Variants in PLD2 observed in about 807,000 individuals in gnomAD.
PLD2 encodes the protein choline phosphatase 2.
PLD2 carries 101 observed loss-of-function variants against 119.8 expected under a neutral mutation model. That is an observed-to-expected ratio of 0.84 (90% CI 0.72 to 0.99). PLD2 has a LOEUF of 0.99. Ranked by LOEUF, PLD2 falls within the 50% of genes least tolerant of loss-of-function variation. The pLI, the probability that PLD2 is intolerant of heterozygous loss-of-function variation, is 0.00. For synonymous variants in PLD2, 494 were observed against 482.8 expected, an observed-to-expected ratio of 1.02 and a Z score of -0.30; for missense variants, 1,164 against 1,226.8, an observed-to-expected ratio of 0.95 and a Z score of 0.76.
In PLD2 at chr17:4,807,539, CGGGGCGG is replaced by C. The variant is rs3081358; in HGVS notation, c.-1-217_-1-211del. The C allele has an allele frequency of 1.5e-4, 57 of 370,924 alleles. No homozygotes were observed. The highest frequency in any genetic ancestry group is 7.9e-4 in the Middle Eastern group (1 of 1,260). 23.0% of individuals were successfully genotyped at this position (370,924 alleles called of 1,614,324 possible). On this transcript the variant is annotated intron_variant, in intron 1 of 24. Coordinates refer to ENST00000263088, the MANE Select transcript of PLD2 (RefSeq NM_002663.5). This position sits in a 1 kb window ranked among gnomAD's most constrained non-coding sequence, Gnocchi z 5.4. ...GTTCCCCGGGGCTCTGGTTACGGGA[CGGGGCGG>C]GGGGCGGGGGGCGGGACTGGGATTG...
At position 4,819,774 on chromosome 17, in the gene PLD2, G is replaced by C. The variant is rs556461365; in HGVS notation, c.2462+192G>C. On this transcript the variant is annotated intron_variant, in intron 23 of 24. Coordinates refer to ENST00000263088, the MANE Select transcript of PLD2 (RefSeq NM_002663.5). This position sits in a 1 kb window ranked among gnomAD's most constrained non-coding sequence, Gnocchi z 4.2. ...GCACTTTGGGAGGCCAAGGCGGGTGGATTGCCTGAGGTCAGGATTTTGAGA... is the reference window on the plus strand; with the variant it reads ...GCACTTTGGGAGGCCAAGGCGGGTGCATTGCCTGAGGTCAGGATTTTGAGA... Among the ~76,000 whole-genome samples, 6 of 151,888 alleles carry C rather than the reference G, an allele frequency of 4.0e-5. No homozygotes were observed. Among genetic ancestry groups the C allele is most frequent in the African/African-American group, 1.4e-4 (6 of 41,488 alleles).
At position 4,818,053 on chromosome 17, in the gene PLD2, C is replaced by G. The variant is rs780695338; in HGVS notation, c.1867C>G (p.Leu623Val). The G allele has an allele frequency of 6.2e-7, 1 of 1,614,140 alleles. No homozygotes were observed. The highest frequency in any genetic ancestry group is 8.5e-7 in the Non-Finnish European group (1 of 1,179,946). Residue 623 changes from leucine to valine, a missense_variant, in exon 18 of 25, where the codon CTC becomes GTC. By Grantham distance (32) the Leu-to-Val change is conservative. Coordinates refer to ENST00000263088, the MANE Select transcript of PLD2 (RefSeq NM_002663.5). ...WSAGTLENSI[L>V]NAYLHTIRES... is the part of the protein sequence containing the mutation. ...AGCAGGGACTCTGGAGAACTCCATC[C>G]TCAATGCCTACCTGCACACCATCAG...
At position 4,814,492 on chromosome 17, in the gene PLD2, C is replaced by T. The variant is rs746646338; in HGVS notation, c.1085C>T (p.Thr362Ile). The T allele has an allele frequency of 6.2e-7, 1 of 1,613,352 alleles. No homozygotes were observed. Among genetic ancestry groups the T allele is most frequent in the Non-Finnish European group, 8.5e-7 (1 of 1,179,762 alleles). Residue 362 changes from threonine to isoleucine, a missense_variant, in exon 11 of 25, where the codon ACA becomes ATA. Transcript: ENST00000263088. The stretch of plus-strand genomic sequence containing the variant: ...CGAGCTCAAGAGGAGATTTTCATCA[C>T]AGACTGGTGGTGAGTGGGAAAAGGC... ...ILRAQEEIFITDWWLSPEVYL... is the reference protein window; with the variant it reads ...ILRAQEEIFIIDWWLSPEVYL...
At chr17:4,809,606 C>A in intron 7 of PLD2, 55 bp downstream of exon 7, 1 of 1,608,792 alleles carries the variant, frequency 6.2e-7, no homozygotes, top group Non-Finnish European at 8.5e-7. Context: ...CTTAATTTCT[C>A]CCTGCCTGAG....
Position 4,816,722 on chromosome 17 carries a change from G to A in PLD2, c.1558G>A (p.Val520Met). The A allele has an allele frequency of 2.5e-6, 4 of 1,614,184 alleles. No individual in the cohort carries two copies. Among genetic ancestry groups the A allele is most frequent in the Non-Finnish European group, 3.4e-6 (4 of 1,180,040 alleles). ...CAGCAATCTTATCACCAAGGACTGG[G>A]TGCAGCTGGACCGGCCTTTCGAAGG... is the stretch of plus-strand genomic sequence containing the variant. Reference protein sequence around the residue: ...DYSNLITKDWVQLDRPFEDFI... With the variant: ...DYSNLITKDWMQLDRPFEDFI... Residue 520 changes from valine (V) to methionine (M), a missense_variant, in exon 15 of 25, where the codon GTG becomes ATG. Physicochemically the swap from Val to Met is conservative, Grantham distance 21. Coordinates refer to ENST00000263088, the MANE Select transcript of PLD2 (RefSeq NM_002663.5).
chr17:4,808,997 T>G lies in PLD2; in HGVS notation c.384-103T>G. 1.1e-6 allele frequency: 1 copy of G among 905,856 alleles called. No homozygotes were observed. The highest frequency in any genetic ancestry group is 1.4e-5 in the South Asian group (1 of 69,368). 56.1% of individuals were successfully genotyped at this position (905,856 alleles called of 1,614,324 possible). A position where few individuals can be genotyped will look rare whatever the true frequency, so the allele number is the denominator to read the frequency against. ...GCGTGAGCCACCACGCCTGGCCACC[T>G]CCAGGCCTCTTCTTTTCCTCCGAGC... On this transcript the variant is annotated intron_variant, in intron 4 of 24. Coordinates refer to ENST00000263088, the MANE Select transcript of PLD2 (RefSeq NM_002663.5). The surrounding 1 kb of genome is among the most constrained non-coding windows in gnomAD (Gnocchi z 4.1).
At chr17:4,820,770 G>T (rs1452442543) in intron 23 of PLD2, among the ~76,000 whole-genome samples, 1 of 146,264 alleles carries the variant, frequency 6.8e-6, no homozygotes, top group Non-Finnish European at 1.5e-5. Context: ...TAGAGACGGG[G>T]TTTCACCGTG....
intron 17 of PLD2, 121 bp downstream of exon 17, chr17:4,817,380 C>A: frequency 1.3e-6 from 1 of 749,214 alleles, no homozygotes; most frequent in Non-Finnish European, 2.4e-6. Flanking sequence ...AAGCACATCA[C>A]GGCCAGGCAC....
chr17:4,810,622 G>A (rs950318080), intron 9 of PLD2, among the ~76,000 whole-genome samples, 180 bp from the exon 10 acceptor site: 3 of 152,088 alleles, frequency 2.0e-5, no homozygotes, highest in Non-Finnish European at 2.9e-5. Flanking sequence ...TCCAGCCTGG[G>A]GGACAAGAGC....
rs772073424 is a variant in PLD2, at chr17:4,807,958, C to A, written c.110-26C>A. 1 of 1,605,936 alleles carries A rather than the reference C, an allele frequency of 6.2e-7. No individual in the cohort carries two copies. The highest frequency in any genetic ancestry group is 1.1e-5 in the South Asian group (1 of 90,742). ...GGGGGCTGGGGCCTGTTGTGGTCTA[C>A]ACTCCTCGACTTTCTTTCCTCCCAG... On this transcript the variant is annotated intron_variant, in intron 2 of 24. Transcript: ENST00000263088. This position sits in a 1 kb window ranked among gnomAD's most constrained non-coding sequence, Gnocchi z 5.4.
Position 4,822,858 on chromosome 17 carries a change from G to C in PLD2, c.2796G>C (p.Trp932Cys), listed in dbSNP as rs1298988820. The C allele has an allele frequency of 6.3e-7, 1 of 1,586,252 alleles. No individual in the cohort carries two copies. Residue 932 changes from tryptophan to cysteine, a missense_variant, in exon 25 of 25, where the codon TGG (tryptophan) becomes TGC (cysteine). Coordinates refer to ENST00000263088, the MANE Select transcript of PLD2 (RefSeq NM_002663.5). ...AGGGCATGATCCCCCTAGAAGTGTG[G>C]ACATAGTTGAGGCCCCCGTCAGGGA... ...SKEGMIPLEV[W>C]T
At chr17:4,814,340 G>A (rs73973638) in intron 10 of PLD2, 78 bp from the exon 11 acceptor site, 114,580 of 1,541,918 alleles carry the variant, frequency 0.074, 5,211 homozygotes, top group African/African-American at 0.21. Context: ...TCTGACCCAC[G>A]ACTGTCCTCC....
intron 24 of PLD2, 129 bp from the exon 25 acceptor site, chr17:4,822,511 A>T (rs1450792637): frequency 1.3e-5 from 8 of 593,136 alleles, no homozygotes; most frequent in African/African-American, 1.9e-5. Context: ...AAAGAGAGAG[A>T]GAGTTAGTGG....
rs781172770 is a variant in PLD2 at position 4,818,777 on chromosome 17, C to T, written c.2127C>T (p.Thr709=). 5.4e-5 allele frequency: 87 copies of T among 1,614,008 alleles called. No individual in the cohort carries two copies. Among genetic ancestry groups the T allele is most frequent in the Non-Finnish European group, 7.2e-5 (85 of 1,180,026 alleles). The change falls in exon 21 of 25, where the codon ACC becomes ACT. Residue 709 remains threonine, a synonymous_variant. Coordinates refer to ENST00000263088, the MANE Select transcript of PLD2 (RefSeq NM_002663.5). ...IQAILHFTYR[T]LCRGEYSILH... is the part of the protein sequence containing the mutation. ...CTCCCTCTTTCTTTTCTCTCAGGAC[C>T]CTGTGTCGTGGGGAGTATTCAATCC...
Position 4,818,461 on chromosome 17 carries a change from C to T in PLD2, c.2010-33C>T, listed in dbSNP as rs747573206. The T allele has an allele frequency of 7.5e-6, 12 of 1,597,840 alleles. No individual in the cohort carries two copies. In the East Asian group the frequency reaches 2.5e-4, roughly 33 times the overall value. On this transcript the variant is annotated intron_variant, in intron 19 of 24. Transcript: ENST00000263088. ...GTTGAAGGGGGTGGGGTTTGAGGGACCAGTCGCACCTCTGACTCCACCCCC... is the reference window on the plus strand; with the variant it reads ...GTTGAAGGGGGTGGGGTTTGAGGGATCAGTCGCACCTCTGACTCCACCCCC...
At chr17:4,817,883 A>C in intron 17 of PLD2, 119 bp from the exon 18 acceptor site, 1 of 652,984 alleles carries the variant, frequency 1.5e-6, no homozygotes, top group Non-Finnish European at 2.7e-6. Context: ...GCGTGAACCC[A>C]GGAGGAGGAG....
intron 23 of PLD2, among the ~76,000 whole-genome samples, chr17:4,820,677 T>C (rs563920439): frequency 9.3e-5 from 13 of 139,350 alleles, no homozygotes; most frequent in African/African-American, 2.4e-4. Context: ...CCAGGGTTCA[T>C]GCCATTCTCC....
intron 14 of PLD2, 77 bp downstream of exon 14, chr17:4,816,011 T>G: frequency 9.1e-7 from 1 of 1,098,646 alleles, no homozygotes. Flanking sequence ...GCTCCAGCCT[T>G]ACCCCCTCAG....
chr17:4,814,058 C>A lies in PLD2; in HGVS notation c.1011-360C>A, dbSNP rs1278724033. 8 of 214,792 alleles carry A rather than the reference C, an allele frequency of 3.7e-5. No individual in the cohort carries two copies. In the Admixed American group the frequency reaches 4.7e-4, roughly 13 times the overall value. 13.3% of individuals were successfully genotyped at this position (214,792 alleles called of 1,614,324 possible). A position where few individuals can be genotyped will look rare whatever the true frequency, so the allele number is the denominator to read the frequency against. ...TTCGTTGTTTACTAGTGAAACTGAACATTTGCCACGATTGGCCATTTTAAT... is the reference window on the plus strand; with the variant it reads ...TTCGTTGTTTACTAGTGAAACTGAAAATTTGCCACGATTGGCCATTTTAAT... On this transcript the variant is annotated intron_variant, in intron 10 of 24. Transcript: ENST00000263088.
Sources: gnomAD v4.1 joint callset for allele counts (sites outside exome capture counted in the v4.1 genomes callset) on GRCh38, gnomAD v4.1.1 for gene constraint, Gnocchi (gnomAD v3.1) non-coding constraint, MANE v1.5 for transcripts, NCBI Gene and HGNC (gene_info 2026-07-23, HGNC 2026-07-21) for gene names.